STK32A: variants seen among roughly 807,000 people sequenced by gnomAD.
STK32A encodes the protein serine/threonine kinase 32A, also known as serine/threonine-protein kinase 32A.
A neutral mutation model predicts 53.2 loss-of-function variants in STK32A; 41 were observed. The ratio of observed to expected loss-of-function variants is 0.77; its 90% CI spans 0.60 to 1.00. STK32A has a LOEUF of 1.00. Ranked by LOEUF, STK32A falls within the 50% of genes least tolerant of loss-of-function variation. The pLI, the probability that STK32A is intolerant of heterozygous loss-of-function variation, is 0.00. For missense variants in STK32A, 458 were observed against 485.8 expected (o/e 0.94, Z 0.54); for synonymous variants, 166 against 162.8 (o/e 1.02, Z -0.15).
At chr5:147,311,574 T>C (rs1291930104) in intron 4 of STK32A, among the ~76,000 whole-genome samples, 1 of 152,114 alleles carries the variant, frequency 6.6e-6, no homozygotes, top group Admixed American at 6.5e-5. Flanking sequence ...AGTGTTTTGT[T>C]TTGTTTTTAA....
chr5:147,355,656 C>A (rs975749619), intron 7 of STK32A, among the ~76,000 whole-genome samples: 1 of 151,046 alleles, frequency 6.6e-6, no homozygotes, highest in African/African-American at 2.4e-5. Flanking sequence ...CCAGGCTGGG[C>A]GACAGAGCGA....
chr5:147,318,154 G>A (rs186177290), intron 4 of STK32A, among the ~76,000 whole-genome samples: 226 of 152,060 alleles, frequency 1.5e-3, no homozygotes, highest in African/African-American at 5.2e-3. Flanking sequence ...CTAAGCAGCT[G>A]TATACTATAC....
rs532541960 is a variant in STK32A at position 147,300,596 on chromosome 5, C to T, written c.260+21198C>T. On this transcript the variant is annotated intron_variant, in intron 4 of 12. Coordinates refer to ENST00000397936, the MANE Select transcript of STK32A (RefSeq NM_001112724.2). ...ATGTGTGTTAGTGTTAGGGCTAAGG[C>T]CTTTGGCTTCTGGTTAATTGCCCTT... Among the ~76,000 whole-genome samples, 8 of 152,292 alleles carry T rather than the reference C, an allele frequency of 5.3e-5. No homozygotes were observed. In the East Asian group the frequency reaches 1.5e-3, roughly 29 times the overall value.
chr5:147,318,212 T>C lies in STK32A; in HGVS notation c.261-5686T>C, dbSNP rs530477151. ...GTTCTTTTCCTTCGTCTTTACAACA[T>C]ATTGTGGAAAACGTTCCATATCAGA... On this transcript the variant is annotated intron_variant, in intron 4 of 12. Transcript: ENST00000397936. 2.0e-5 allele frequency among the ~76,000 whole-genome samples: 3 copies of C among 152,304 alleles called. No homozygotes were observed. In the East Asian group the frequency reaches 5.8e-4, roughly 29 times the overall value.
intron 4 of STK32A, among the ~76,000 whole-genome samples, chr5:147,297,764 G>A (rs561868572): frequency 1.3e-5 from 2 of 152,228 alleles, no homozygotes; most frequent in Admixed American, 1.3e-4. Flanking sequence ...AATCACTTGA[G>A]GTCAGGAGTT....
At chr5:147,325,153 T>C (rs1019238115) in intron 5 of STK32A, among the ~76,000 whole-genome samples, 1 of 152,188 alleles carries the variant, frequency 6.6e-6, no homozygotes, top group Non-Finnish European at 1.5e-5. Flanking sequence ...CATCATTAAA[T>C]GAAAAATCAG....
chr5:147,279,636 G>T, intron 4 of STK32A, among the ~76,000 whole-genome samples: 1 of 148,334 alleles, frequency 6.7e-6, no homozygotes, highest in Non-Finnish European at 1.5e-5. Context: ...TGTCATGTAA[G>T]GGGGGGTTTG....
chr5:147,286,926 A>G (rs559116350), intron 4 of STK32A, among the ~76,000 whole-genome samples: 28 of 152,316 alleles, frequency 1.8e-4, no homozygotes, highest in African/African-American at 6.5e-4. Context: ...CTTTGGTTAC[A>G]AAGCTTGGCC....
intron 2 of STK32A, among the ~76,000 whole-genome samples, chr5:147,275,320 C>G (rs1408539669): frequency 7.3e-6 from 1 of 136,988 alleles, no homozygotes; most frequent in Non-Finnish European, 1.6e-5. Flanking sequence ...AATAAGAGAA[C>G]CTCTTCCAGT....
chr5:147,383,945 G>A lies in STK32A; in HGVS notation c.1153G>A (p.Asp385Asn), dbSNP rs773074722. 6.2e-7 allele frequency: 1 copy of A among 1,608,528 alleles called. No individual in the cohort carries two copies. Among genetic ancestry groups the A allele is most frequent in the South Asian group, 1.1e-5 (1 of 89,830 alleles). Residue 385 changes from aspartate to asparagine, a missense_variant, in exon 13 of 13, where the codon GAC (aspartate) becomes AAC (asparagine). By Grantham distance (23) the Asp-to-Asn change is conservative (BLOSUM62 1). Transcript: ENST00000397936. The stretch of plus-strand genomic sequence containing the variant: ...AAATCTAGCCTTGGAACAAACCAAA[G>A]ACCCACAAGGTGAGGATGGTCAGAA... Reference protein sequence around the residue: ...QPNLALEQTKDPQGEDGQNNN... With the variant: ...QPNLALEQTKNPQGEDGQNNN...
At chr5:147,390,750 A>G (rs1757776047), downstream of STK32A, 1 of 152,564 alleles carries the variant, frequency 6.6e-6, no homozygotes, top group East Asian at 1.9e-4. Context: ...CTACTGGGCA[A>G]TTTTAATATT....
At chr5:147,291,517 A>G (rs1400729487) in intron 4 of STK32A, among the ~76,000 whole-genome samples, 1 of 151,870 alleles carries the variant, frequency 6.6e-6, no homozygotes, top group Non-Finnish European at 1.5e-5. Context: ...TGAGCTATAC[A>G]TAGTAGAAAT....
chr5:147,243,860 CTT>C (rs34672367), intron 2 of STK32A, among the ~76,000 whole-genome samples: 4 of 151,554 alleles, frequency 2.6e-5, no homozygotes, highest in Non-Finnish European at 4.4e-5. Flanking sequence ...GTCCTAATTA[CTT>C]TTTTTTTATT....
intron 4 of STK32A, among the ~76,000 whole-genome samples, chr5:147,292,722 G>A (rs961391201): frequency 5.3e-5 from 8 of 152,212 alleles, no homozygotes; most frequent in African/African-American, 1.7e-4. Context: ...TTAGCCAGAC[G>A]TGGTGGCACA....
the STK32A span, among the ~76,000 whole-genome samples, chr5:147,399,866 C>T: frequency 1.3e-5 from 2 of 152,130 alleles, no homozygotes; most frequent in African/African-American, 4.8e-5. Flanking sequence ...AAAAAGGAAA[C>T]ACTATGTGAG....
At chr5:147,243,850 G>A (rs1356082013) in intron 2 of STK32A, among the ~76,000 whole-genome samples, 1 of 134,192 alleles carries the variant, frequency 7.5e-6, no homozygotes, top group African/African-American at 2.7e-5. Flanking sequence ...CAAATCTTAA[G>A]TCCTAATTAC....
intron 5 of STK32A, among the ~76,000 whole-genome samples, chr5:147,335,065 A>C (rs1755051468): frequency 6.6e-6 from 1 of 152,224 alleles, no homozygotes; most frequent in Admixed American, 6.5e-5. Context: ...AAGTATGTGA[A>C]TGCAGTCCCT....
At chr5:147,272,348 AT>A (rs1755078109) in intron 2 of STK32A, among the ~76,000 whole-genome samples, 1 of 152,222 alleles carries the variant, frequency 6.6e-6, no homozygotes, top group Non-Finnish European at 1.5e-5. Context: ...AAGTGCTGGG[AT>A]TACAGGCGTT....
At chr5:147,342,031 C>A (rs142162923) in intron 5 of STK32A, among the ~76,000 whole-genome samples, 1 of 152,230 alleles carries the variant, frequency 6.6e-6, no homozygotes, top group Non-Finnish European at 1.5e-5. Context: ...TCGCATTGTA[C>A]TTTATAACAG....
Sources: gnomAD v4.1 joint callset for allele counts (sites outside exome capture counted in the v4.1 genomes callset) on GRCh38, gnomAD v4.1.1 for gene constraint, MANE v1.5 for transcripts, NCBI Gene and HGNC (gene_info 2026-07-23, HGNC 2026-07-21) for gene names.